The following ROBO1 variants were observed in gnomAD, a reference collection of about 807,000 sequenced individuals.
ROBO1 encodes the protein roundabout guidance receptor 1.
Under a neutral mutation model 195.9 loss-of-function variants are expected in ROBO1, and 149 were observed. The ratio of observed to expected loss-of-function variants is 0.76; its 90% CI spans 0.67 to 0.87. The LOEUF (loss-of-function observed/expected upper bound fraction) is 0.87, where lower values mean the gene tolerates loss of function less well. Ranked by LOEUF, ROBO1 falls within the 40% of genes least tolerant of loss-of-function variation. ROBO1 has a pLI of 0.00. For missense variants in ROBO1, 1,933 were observed against 2,068.3 expected, an observed-to-expected ratio of 0.93 and a Z score of 1.27; for synonymous variants, 816 against 733.2, an observed-to-expected ratio of 1.11 and a Z score of -1.82.
intron 1 of ROBO1, among the ~76,000 whole-genome samples, chr3:79,686,873 A>G (rs1269852476): frequency 6.6e-6 from 1 of 152,182 alleles, no homozygotes; most frequent in East Asian, 1.9e-4. Context: ...ACTACTTTAA[A>G]GTCCATATGG....
intron 4 of ROBO1, among the ~76,000 whole-genome samples, chr3:78,849,130 G>A (rs1485171861): frequency 1.3e-5 from 2 of 152,118 alleles, no homozygotes; most frequent in Non-Finnish European, 2.9e-5. Context: ...TCCGTGAGTG[G>A]AGTAGTCTTT....
intron 14 of ROBO1, among the ~76,000 whole-genome samples, chr3:78,665,750 G>T (rs1289225840): frequency 2.0e-5 from 3 of 152,046 alleles, no homozygotes; most frequent in African/African-American, 7.3e-5. Flanking sequence ...CCATTTTATA[G>T]GTGAGGAAAC....
At chr3:79,644,126 T>C (rs1945747846) in intron 1 of ROBO1, among the ~76,000 whole-genome samples, 1 of 152,132 alleles carries the variant, frequency 6.6e-6, no homozygotes, top group Admixed American at 6.6e-5. Flanking sequence ...AACTATATCA[T>C]GATAAACAGG....
At chr3:79,293,459 A>T (rs1354060320) in intron 2 of ROBO1, among the ~76,000 whole-genome samples, 2 of 151,802 alleles carry the variant, frequency 1.3e-5, no homozygotes, top group Non-Finnish European at 2.9e-5. Flanking sequence ...TAGTTCTTTT[A>T]ATTGTGATTT....
At chr3:79,650,624 CAAT>C (rs1307053576) in intron 1 of ROBO1, among the ~76,000 whole-genome samples, 2 of 151,194 alleles carry the variant, frequency 1.3e-5, no homozygotes, top group South Asian at 2.1e-4. Flanking sequence ...CTTAATTATG[CAAT>C]AATAAGAAAA....
At chr3:78,607,608 G>A (rs1302617516) in intron 28 of ROBO1, among the ~76,000 whole-genome samples, 6 of 152,166 alleles carry the variant, frequency 3.9e-5, no homozygotes, top group Admixed American at 3.9e-4. Flanking sequence ...GATAGCTAAC[G>A]CTGGGTATTT....
intron 4 of ROBO1, among the ~76,000 whole-genome samples, chr3:78,907,383 T>C (rs1176559644): frequency 3.3e-5 from 5 of 152,216 alleles, no homozygotes; most frequent in Admixed American, 2.6e-4. Context: ...TACAAGTAAT[T>C]TGCAGAAAGG....
At chr3:79,299,495 T>C (rs148203214) in intron 2 of ROBO1, among the ~76,000 whole-genome samples, 1 of 152,212 alleles carries the variant, frequency 6.6e-6, no homozygotes, top group Admixed American at 6.5e-5. Context: ...CTATGCATGC[T>C]GTAATATATG....
In ROBO1 at chr3:79,116,357, T is replaced by C. The variant is rs750736536; in HGVS notation, c.172+9099A>G. Among the ~76,000 whole-genome samples the C allele has an allele frequency of 4.6e-5, 7 of 150,894 alleles. No individual in the cohort carries two copies. In the East Asian group the frequency reaches 1.2e-3, roughly 25 times the overall value. On this transcript the variant is annotated intron_variant, in intron 3 of 30. Coordinates refer to ENST00000464233, the MANE Select transcript of ROBO1 (RefSeq NM_002941.4). ...TTTTCCTTTCTTTCTTTTTCTTTCT[T>C]ATTTTTTTCGTTCTTTTCTTTCTTT...
At chr3:79,481,858 G>C (rs957352148) in intron 2 of ROBO1, among the ~76,000 whole-genome samples, 2 of 151,724 alleles carry the variant, frequency 1.3e-5, no homozygotes, top group Non-Finnish European at 3.0e-5. Flanking sequence ...TGAAAATATG[G>C]ACACTTTGCT....
At chr3:78,814,651 C>A (rs72894457) in intron 4 of ROBO1, among the ~76,000 whole-genome samples, 4,634 of 152,040 alleles carry the variant, frequency 0.03, 189 homozygotes, top group African/African-American at 0.095. Flanking sequence ...TAAAAAATTC[C>A]TAAGCAATAT....
intron 2 of ROBO1, among the ~76,000 whole-genome samples, chr3:79,523,524 G>A (rs549297614): frequency 7.5e-6 from 1 of 133,688 alleles, no homozygotes; most frequent in East Asian, 2.2e-4. Context: ...CCAGGCTTGA[G>A]TGCAGTGGCA....
intron 8 of ROBO1, among the ~76,000 whole-genome samples, chr3:78,711,325 C>T (rs971245762): frequency 1.9e-5 from 2 of 104,870 alleles, no homozygotes. Flanking sequence ...CTCTCTCTCT[C>T]TCCTTCCTTC....
At chr3:78,761,759 T>A (rs2083110802) in intron 4 of ROBO1, among the ~76,000 whole-genome samples, 1 of 152,170 alleles carries the variant, frequency 6.6e-6, no homozygotes, top group Non-Finnish European at 1.5e-5. Context: ...TAACTGGTTA[T>A]TGATAGTGCA....
At chr3:79,428,209 A>G (rs2038529020) in intron 2 of ROBO1, among the ~76,000 whole-genome samples, 1 of 152,274 alleles carries the variant, frequency 6.6e-6, no homozygotes, top group Non-Finnish European at 1.5e-5. Flanking sequence ...GGTGTCCAAT[A>G]GAGGTATCAG....
chr3:79,447,248 G>A (rs2039292926), intron 2 of ROBO1, among the ~76,000 whole-genome samples: 1 of 152,176 alleles, frequency 6.6e-6, no homozygotes, highest in Admixed American at 6.5e-5. Context: ...GACATCATGT[G>A]AGGCTCATTG....
chr3:79,551,119 ATTTAAG>A (rs1399577242), intron 2 of ROBO1, among the ~76,000 whole-genome samples: 1 of 151,834 alleles, frequency 6.6e-6, no homozygotes, highest in Non-Finnish European at 1.5e-5. Context: ...TAAGTCAATA[ATTTAAG>A]TTTATTATAA....
intron 21 of ROBO1, among the ~76,000 whole-genome samples, chr3:78,645,812 ATAGTAT>A (rs1490225674): frequency 2.6e-5 from 4 of 152,084 alleles, no homozygotes; most frequent in Non-Finnish European, 5.9e-5. Flanking sequence ...TTTTTCTTGG[ATAGTAT>A]TAGTTAACTA....
At chr3:79,709,519 A>G (rs932771243) in intron 1 of ROBO1, among the ~76,000 whole-genome samples, 1 of 151,886 alleles carries the variant, frequency 6.6e-6, no homozygotes, top group East Asian at 1.9e-4. Context: ...ATGTTTCAGA[A>G]AAAAGGTTTT....
Sources: gnomAD v4.1 joint callset for allele counts (sites outside exome capture counted in the v4.1 genomes callset) on GRCh38, gnomAD v4.1.1 for gene constraint, MANE v1.5 for transcripts, NCBI Gene and HGNC (gene_info 2026-07-23, HGNC 2026-07-21) for gene names.